UTRN: variants seen among roughly 807,000 people sequenced by gnomAD.
UTRN encodes the protein utrophin, also known as dystrophin-related protein 1.
Under a neutral mutation model 463.9 loss-of-function variants are expected in UTRN, and 283 were observed. The observed-to-expected ratio is 0.61, with a 90% CI of 0.55 to 0.67. UTRN has a LOEUF of 0.67. Among genes scored for constraint, UTRN ranks in the 30% least tolerant of loss-of-function variants. The pLI is 0.00. For missense variants in UTRN, 3,922 were observed against 4,084.3 expected (o/e 0.96, Z 1.08); for synonymous variants, 1,442 against 1,431.5 (o/e 1.01, Z -0.17).
At chr6:144,649,716 C>A (rs898445348) in intron 51 of UTRN, among the ~76,000 whole-genome samples, 2 of 151,934 alleles carry the variant, frequency 1.3e-5, no homozygotes, top group South Asian at 2.1e-4. Flanking sequence ...ACAGAACTTG[C>A]AAGGTATAAG....
intron 49 of UTRN, among the ~76,000 whole-genome samples, chr6:144,556,728 G>A (rs1799418021): frequency 6.6e-6 from 1 of 152,164 alleles, no homozygotes; most frequent in Admixed American, 6.5e-5. Context: ...AACACACCTT[G>A]TGATCCAGGG....
intron 52 of UTRN, among the ~76,000 whole-genome samples, chr6:144,692,507 C>T (rs1474322262): frequency 6.6e-6 from 1 of 152,156 alleles, no homozygotes; most frequent in African/African-American, 2.4e-5. Flanking sequence ...ACACTCCAAC[C>T]AACAGTGTAA....
rs920578212 is a variant in UTRN, at chr6:144,427,239, TA to T, written c.578+790del. On this transcript the variant is annotated intron_variant, in intron 7 of 74. Transcript: ENST00000367545. ...GTATTGGATCTTTACTTCACCACACTAAAAAAAAAATAATAATTTCTACATG... is the reference window on the plus strand; with the variant it reads ...GTATTGGATCTTTACTTCACCACACTAAAAAAAAATAATAATTTCTACATG... Among the ~76,000 whole-genome samples, 315 of 148,616 alleles carry T rather than the reference TA, an allele frequency of 2.1e-3. 1 individual carries two copies. Among genetic ancestry groups the T allele is most frequent in the African/African-American group, 7.0e-3 (284 of 40,826 alleles).
chr6:144,492,149 G>A (rs1793132739), intron 32 of UTRN, among the ~76,000 whole-genome samples: 1 of 152,152 alleles, frequency 6.6e-6, no homozygotes, highest in Non-Finnish European at 1.5e-5. Context: ...TACCCAATTG[G>A]TAGTTTTTCA....
In UTRN at chr6:144,453,872, A is replaced by G; in HGVS notation, c.2284+3A>G. 6.2e-7 allele frequency: 1 copy of G among 1,611,324 alleles called. No homozygotes were observed. Among genetic ancestry groups the G allele is most frequent in the Non-Finnish European group, 8.5e-7 (1 of 1,178,150 alleles). ...CCTTGTGGAGCAAATGGGAAAAGGT[A>G]AGATCCTTGATTTTTTTCCCCTATA... is the stretch of plus-strand genomic sequence containing the variant. On this transcript the variant is annotated splice_donor_region_variant and intron_variant, in intron 19 of 74. Coordinates refer to ENST00000367545, the MANE Select transcript of UTRN (RefSeq NM_007124.3).
intron 45 of UTRN, among the ~76,000 whole-genome samples, chr6:144,540,903 G>A (rs528297314): frequency 1.4e-4 from 22 of 152,260 alleles, no homozygotes; most frequent in African/African-American, 5.1e-4. Context: ...ATGTCAGAGG[G>A]CACATAGATA....
chr6:144,755,800 T>G (rs1791927832), intron 57 of UTRN, among the ~76,000 whole-genome samples: 1 of 152,186 alleles, frequency 6.6e-6, no homozygotes, highest in Non-Finnish European at 1.5e-5. Context: ...TAAAAAGTAC[T>G]ATATCTTCTA....
Position 144,469,855 on chromosome 6 carries a change from C to G in UTRN, c.3067-3865C>G, listed in dbSNP as rs538923385. ...CTAGGCAGAGGGCCCTGCCGCCTTC[C>G]GCAGTGTTTGTGTCCCTGGGTACTT... On this transcript the variant is annotated intron_variant, in intron 23 of 74. Coordinates refer to ENST00000367545, the MANE Select transcript of UTRN (RefSeq NM_007124.3). 6.9e-4 allele frequency among the ~76,000 whole-genome samples: 105 copies of G among 151,938 alleles called. 1 individual carries two copies. The highest frequency in any genetic ancestry group is 5.0e-3 in the Admixed American group (77 of 15,266).
Position 144,475,360 on chromosome 6 carries a change from CTG to C in UTRN, c.3336+604_3336+605del, listed in dbSNP as rs572316692. On this transcript the variant is annotated intron_variant, in intron 25 of 74. Transcript: ENST00000367545. Reference sequence around the variant, plus strand: ...GTGGAGAATAGCAGGCTTTAAAACTCTGTGGTGGGAATGAACTTGGTCTGTTT... The same window carrying C: ...GTGGAGAATAGCAGGCTTTAAAACTCTGGTGGGAATGAACTTGGTCTGTTT... Among the ~76,000 whole-genome samples the C allele has an allele frequency of 1.1e-3, 175 of 152,234 alleles. 1 individual carries two copies. Among genetic ancestry groups the C allele is most frequent in the Non-Finnish European group, 2.0e-3 (139 of 68,020 alleles).
intron 41 of UTRN, among the ~76,000 whole-genome samples, chr6:144,529,338 G>T (rs1054801606): frequency 1.3e-5 from 2 of 152,182 alleles, no homozygotes; most frequent in Admixed American, 1.3e-4. Context: ...CCTTCAAAGG[G>T]TCTGTAGATT....
rs772100456 is a variant in UTRN, at chr6:144,461,347, C to A, written c.2853+5C>A. The A allele has an allele frequency of 5.2e-6, 8 of 1,544,474 alleles. No homozygotes were observed. Among genetic ancestry groups the A allele is most frequent in the Non-Finnish European group, 7.0e-6 (8 of 1,143,504 alleles). On this transcript the variant is annotated splice_donor_5th_base_variant and intron_variant, in intron 22 of 74. Transcript: ENST00000367545. ...AAGGCCCTGCAAGAAAAAAAGGTAA[C>A]ATATATCTTCCATGTTAGAACTCTA...
chr6:144,755,587 C>T (rs1791904382), intron 57 of UTRN, among the ~76,000 whole-genome samples: 2 of 152,100 alleles, frequency 1.3e-5, no homozygotes, highest in South Asian at 4.1e-4. Context: ...CAAGGCATAT[C>T]GAATTACACA....
intron 63 of UTRN, among the ~76,000 whole-genome samples, chr6:144,794,509 T>G (rs1350688385): frequency 2.6e-5 from 4 of 152,204 alleles, no homozygotes; most frequent in Non-Finnish European, 5.9e-5. Flanking sequence ...TATATTCACC[T>G]AATATCGTCC....
At chr6:144,327,523 C>T (rs779842898) in intron 2 of UTRN, among the ~76,000 whole-genome samples, 1 of 152,138 alleles carries the variant, frequency 6.6e-6, no homozygotes, top group South Asian at 2.1e-4. Flanking sequence ...CTCGGCCTTT[C>T]GCCTCTCATC....
At chr6:144,578,270 C>G (rs1408208051) in intron 51 of UTRN, among the ~76,000 whole-genome samples, 3 of 152,184 alleles carry the variant, frequency 2.0e-5, no homozygotes, top group Non-Finnish European at 4.4e-5. Flanking sequence ...AGTATTACAT[C>G]TGATTACTTT....
intron 53 of UTRN, among the ~76,000 whole-genome samples, chr6:144,722,447 T>C (rs1049586998): frequency 3.3e-5 from 5 of 152,074 alleles, no homozygotes; most frequent in Non-Finnish European, 7.4e-5. Context: ...TTTATAGTAA[T>C]GAATCATGCC....
At chr6:144,467,546 A>G (rs188402276) in intron 23 of UTRN, among the ~76,000 whole-genome samples, 1 of 152,244 alleles carries the variant, frequency 6.6e-6, no homozygotes, top group Admixed American at 6.5e-5. Flanking sequence ...CTGTGTAGTC[A>G]TGCCTCTTCC....
intron 2 of UTRN, among the ~76,000 whole-genome samples, chr6:144,335,222 G>A (rs1331637617): frequency 6.6e-6 from 1 of 152,198 alleles, no homozygotes; most frequent in South Asian, 2.1e-4. Flanking sequence ...CACATAAGTG[G>A]TCCTGACTTG....
chr6:144,560,538 CATT>C (rs1799774711), intron 50 of UTRN, among the ~76,000 whole-genome samples: 1 of 152,098 alleles, frequency 6.6e-6, no homozygotes. Context: ...TTATATACAT[CATT>C]GTCAGCCAAA....
Sources: allele counts gnomAD v4.1 joint callset (sites outside exome capture counted in the v4.1 genomes callset), GRCh38; gene constraint gnomAD v4.1.1; transcripts MANE v1.5; gene names NCBI Gene and HGNC (gene_info 2026-07-23, HGNC 2026-07-21).